DDIAS: variants seen among roughly 807,000 people sequenced by gnomAD.
DDIAS encodes the protein DNA damage induced apoptosis suppressor.
In DDIAS, 14 loss-of-function variants were observed where a neutral mutation model predicts 15.7. The observed-to-expected ratio is 0.89, with a 90% CI of 0.59 to 1.39. The LOEUF (loss-of-function observed/expected upper bound fraction) is 1.39, where lower values mean the gene tolerates loss of function less well. Among genes scored for constraint, DDIAS ranks in the 40% most tolerant of loss-of-function variants. The pLI is 0.00. For synonymous variants in DDIAS, 355 were observed against 395.9 expected (o/e 0.90, Z 1.23); for missense variants, 1,035 against 1,130.9 (o/e 0.92, Z 1.22).
rs781039063 is a variant in DDIAS, at chr11:82,914,807, A to G, written c.69A>G (p.Pro23=). The change falls in exon 3 of 6, where the codon CCA becomes CCG. Residue 23 remains proline, a synonymous_variant. Coordinates refer to ENST00000533655, the MANE Select transcript of DDIAS (RefSeq NM_145018.4). ...LALQNSSFIY[P]SCQKCFSRII... is the part of the protein sequence containing the mutation. ...TCCAGAATTCAAGTTTTATATATCC[A>G]TCATGTCAGAAGTGCTTCTCTAGGA... is the stretch of plus-strand genomic sequence containing the variant. The G allele has an allele frequency of 6.2e-7, 1 of 1,609,852 alleles. No individual in the cohort carries two copies. Among genetic ancestry groups the G allele is most frequent in the Admixed American group, 1.7e-5 (1 of 59,930 alleles).
chr11:82,910,881 T>C (rs534757614), intron 1 of DDIAS, among the ~76,000 whole-genome samples: 28 of 152,238 alleles, frequency 1.8e-4, no homozygotes, highest in African/African-American at 6.7e-4. Context: ...CAGGCATACC[T>C]TGGAGATATT....
At chr11:82,914,008 C>A in intron 2 of DDIAS, 2 of 418,146 alleles carry the variant, frequency 4.8e-6, no homozygotes, top group Non-Finnish European at 9.3e-6. Context: ...GCAATCTCGG[C>A]TCACTGCAAC....
intron 4 of DDIAS, among the ~76,000 whole-genome samples, 162 bp from the exon 5 acceptor site, chr11:82,929,995 T>C (rs1402394907): frequency 6.6e-5 from 10 of 152,242 alleles, no homozygotes; most frequent in South Asian, 4.1e-4. Context: ...TTTTCTGTGC[T>C]ATGAGAAACT....
At chr11:82,928,247 G>T (rs1451945991) in intron 3 of DDIAS, among the ~76,000 whole-genome samples, 2 of 122,066 alleles carry the variant, frequency 1.6e-5, no homozygotes, top group East Asian at 5.2e-4. Flanking sequence ...CCCCCAGGCT[G>T]TAGTGCAGTG....
chr11:82,909,475 A>G (rs962045892), intron 1 of DDIAS: 32 of 152,142 alleles, frequency 2.1e-4, no homozygotes, highest in African/African-American at 6.5e-4. Flanking sequence ...TCTCAGCTTC[A>G]TTTTACCCAG....
At chr11:82,925,589 C>A (rs376802972) in intron 3 of DDIAS, among the ~76,000 whole-genome samples, 1 of 152,048 alleles carries the variant, frequency 6.6e-6, no homozygotes, top group Non-Finnish European at 1.5e-5. Flanking sequence ...CAGAATGAGA[C>A]CCTGTCTGAA....
chr11:82,931,145 A>C (rs1244428032), intron 5 of DDIAS, among the ~76,000 whole-genome samples: 2 of 152,190 alleles, frequency 1.3e-5, no homozygotes, highest in Admixed American at 6.5e-5. Flanking sequence ...ATAAAGGAGA[A>C]GACTCAGGTT....
intron 1 of DDIAS, among the ~76,000 whole-genome samples, chr11:82,908,216 A>C (rs1860467618): frequency 6.6e-6 from 1 of 152,196 alleles, no homozygotes; most frequent in African/African-American, 2.4e-5. Context: ...CTGAGAAGGG[A>C]AATCGTTTGG....
chr11:82,910,182 TCAAA>T (rs1298792403), intron 1 of DDIAS, among the ~76,000 whole-genome samples: 4 of 152,166 alleles, frequency 2.6e-5, no homozygotes, highest in African/African-American at 7.2e-5. Context: ...CAGCTTTATC[TCAAA>T]CAGTTACAAA....
Position 82,934,191 on chromosome 11 carries a change from T to G in DDIAS, c.2853T>G (p.Ile951Met). 1.9e-6 allele frequency: 3 copies of G among 1,614,116 alleles called. No homozygotes were observed. Among genetic ancestry groups the G allele is most frequent in the Non-Finnish European group, 2.5e-6 (3 of 1,180,022 alleles). ...GCTGGATTTCCAAATGTCCAGACAT[T>G]CAAGTCTTAGCAGCACCTCAGCTGC... ...SSGWISKCPD[I>M]QVLAAPQLHP... Residue 951 changes from isoleucine (I) to methionine (M), a missense_variant, in exon 6 of 6, where the codon ATT becomes ATG. Ile to Met is a conservative substitution (Grantham distance 10). Transcript: ENST00000533655.
At chr11:82,913,938 T>A (rs1007932312) in intron 2 of DDIAS, 16 of 402,204 alleles carry the variant, frequency 4.0e-5, no homozygotes, top group Non-Finnish European at 3.9e-5. Context: ...TATACAATAC[T>A]TTTTTTTTTC....
intron 3 of DDIAS, among the ~76,000 whole-genome samples, chr11:82,925,569 GC>G (rs1281395031): frequency 1.3e-5 from 2 of 152,190 alleles, no homozygotes; most frequent in African/African-American, 4.8e-5. Flanking sequence ...CTGTCCTCCA[GC>G]CTGGGCAGCA....
chr11:82,924,454 A>C (rs1480574192), intron 3 of DDIAS, among the ~76,000 whole-genome samples: 2 of 152,200 alleles, frequency 1.3e-5, no homozygotes, highest in African/African-American at 4.8e-5. Flanking sequence ...AAGACTAAGA[A>C]AACATTAAGG....
Position 82,934,291 on chromosome 11 carries a change from G to A in DDIAS, c.2953G>A (p.Val985Met), listed in dbSNP as rs777807917. Residue 985 changes from valine to methionine, a missense_variant, in exon 6 of 6, where the codon GTG becomes ATG. Physicochemically the swap from Val to Met is conservative, Grantham distance 21. Transcript: ENST00000533655. ...LPFSEKGPPS[V>M]CETRSAWSPE... ...ATTTTCAGAAAAAGGCCCACCTTCA[G>A]TGTGTGAAACTCGAAGTGCTTGGTC... The A allele has an allele frequency of 6.2e-7, 1 of 1,607,214 alleles. No individual in the cohort carries two copies. The highest frequency in any genetic ancestry group is 1.1e-5 in the South Asian group (1 of 88,940).
chr11:82,925,778 G>A (rs1334030559), intron 3 of DDIAS, among the ~76,000 whole-genome samples: 3 of 152,024 alleles, frequency 2.0e-5, no homozygotes, highest in African/African-American at 7.2e-5. Context: ...CATGAGGTCA[G>A]GAGATCGAGA....
chr11:82,907,150 A>T (rs558313472), intron 1 of DDIAS, among the ~76,000 whole-genome samples: 1 of 152,340 alleles, frequency 6.6e-6, no homozygotes, highest in African/African-American at 2.4e-5. Context: ...AGAGAATGAA[A>T]GCATTTTAGA....
chr11:82,906,055 C>A (rs1860424033), intron 1 of DDIAS, among the ~76,000 whole-genome samples: 1 of 151,598 alleles, frequency 6.6e-6, no homozygotes, highest in African/African-American at 2.4e-5. Flanking sequence ...TAGAGAGAGA[C>A]AGAGAAATAA....
At chr11:82,906,097 GTAAATAAA>G (rs770311273) in intron 1 of DDIAS, among the ~76,000 whole-genome samples, 1 of 151,956 alleles carries the variant, frequency 6.6e-6, no homozygotes, top group Admixed American at 6.5e-5. Context: ...CAGAGCCTAG[GTAAATAAA>G]TAAATAAATA....
At chr11:82,903,575 G>GT (rs1360728979) in intron 1 of DDIAS, among the ~76,000 whole-genome samples, 6 of 152,024 alleles carry the variant, frequency 3.9e-5, no homozygotes, top group African/African-American at 9.6e-5. Flanking sequence ...TTGTCTCTTT[G>GT]TTTTTTTGCT....
Sources: gnomAD v4.1 joint callset for allele counts (sites outside exome capture counted in the v4.1 genomes callset) on GRCh38, gnomAD v4.1.1 for gene constraint, MANE v1.5 for transcripts, NCBI Gene and HGNC (gene_info 2026-07-23, HGNC 2026-07-21) for gene names.